Variants in MTRF1 observed in about 807,000 individuals in gnomAD.
The protein encoded by MTRF1 is mitochondrial translation release factor 1.
MTRF1 carries 51 observed loss-of-function variants against 62.9 expected under a neutral mutation model. That is an observed-to-expected ratio of 0.81 (90% CI 0.65 to 1.02). The LOEUF (loss-of-function observed/expected upper bound fraction) is 1.02, where lower values mean the gene tolerates loss of function less well. Ranked by LOEUF, MTRF1 falls within the 50% of genes least tolerant of loss-of-function variation. The probability of loss-of-function intolerance (pLI) is 0.00; values close to 1 mark genes in which losing one functional copy is unlikely to be tolerated. For missense variants in MTRF1, 446 were observed against 530.0 expected, an observed-to-expected ratio of 0.84 and a Z score of 1.56; for synonymous variants, 158 against 181.9, an observed-to-expected ratio of 0.87 and a Z score of 1.06.
intron 9 of MTRF1, among the ~76,000 whole-genome samples, chr13:41,220,323 G>GAAAAAAAAAAAAA (rs1555243201): frequency 1.1e-5 from 1 of 93,326 alleles, no homozygotes. Context: ...AATCTGTCTC[G>GAAAAAAAAAAAAA]GAAAAAAAAA....
chr13:41,251,309 C>T (rs1282950263), intron 5 of MTRF1, among the ~76,000 whole-genome samples: 2 of 152,130 alleles, frequency 1.3e-5, no homozygotes, highest in Non-Finnish European at 2.9e-5. Flanking sequence ...TCCATCCATC[C>T]ATCCATCCAT....
At chr13:41,249,773 C>T (rs940492369) in intron 5 of MTRF1, among the ~76,000 whole-genome samples, 27 of 151,252 alleles carry the variant, frequency 1.8e-4, no homozygotes, top group African/African-American at 6.5e-4. Flanking sequence ...ATTACAAGTA[C>T]GCACTGCCAC....
At chr13:41,226,758 G>A (rs893909285) in intron 7 of MTRF1, among the ~76,000 whole-genome samples, 190 bp from the exon 8 acceptor site, 4 of 152,200 alleles carry the variant, frequency 2.6e-5, no homozygotes, top group African/African-American at 4.8e-5. Context: ...ATTCTGATAT[G>A]TAAATGAGAA....
chr13:41,247,835 G>C (rs974977489), intron 5 of MTRF1, among the ~76,000 whole-genome samples: 2 of 152,000 alleles, frequency 1.3e-5, no homozygotes, highest in African/African-American at 2.4e-5. Context: ...AATAACCACA[G>C]AATTGGTTAT....
At chr13:41,234,152 C>A in intron 6 of MTRF1, 145 bp from the exon 7 acceptor site, 1 of 666,210 alleles carries the variant, frequency 1.5e-6, no homozygotes, top group South Asian at 1.9e-5. Flanking sequence ...AAAGAAAGAG[C>A]AATAAACTCC....
the MTRF1 span, among the ~76,000 whole-genome samples, chr13:41,306,118 C>T: frequency 1.3e-5 from 2 of 152,108 alleles, no homozygotes; most frequent in Non-Finnish European, 2.9e-5. Flanking sequence ...CGCGGTGGCT[C>T]ACGCCTGTAA....
At chr13:41,307,753 T>C in the MTRF1 span, among the ~76,000 whole-genome samples, 1 of 152,178 alleles carries the variant, frequency 6.6e-6, no homozygotes, top group African/African-American at 2.4e-5. Context: ...GCTTCCTGTA[T>C]AGCCTGTGGA....
chr13:41,300,362 G>A, the MTRF1 span, among the ~76,000 whole-genome samples: 9 of 152,006 alleles, frequency 5.9e-5, no homozygotes, highest in East Asian at 9.6e-4. Context: ...CGAGGCGGGC[G>A]GATCACAAGG....
the MTRF1 span, among the ~76,000 whole-genome samples, chr13:41,284,374 T>G: frequency 2.1e-4 from 32 of 149,056 alleles, no homozygotes; most frequent in South Asian, 6.6e-3. Flanking sequence ...TCCCAGCTAC[T>G]CGGGAGGCTC....
the MTRF1 span, chr13:41,311,352 C>A: frequency 3.3e-6 from 2 of 613,438 alleles, no homozygotes; most frequent in East Asian, 6.0e-5. Context: ...CCTTCCTTCT[C>A]CATTGCCACC....
chr13:41,249,785 C>G (rs1040811340), intron 5 of MTRF1, among the ~76,000 whole-genome samples: 1 of 151,546 alleles, frequency 6.6e-6, no homozygotes, highest in Admixed American at 6.6e-5. Context: ...CACTGCCACG[C>G]CTGGCCAATT....
chr13:41,281,379 GT>G, the MTRF1 span, among the ~76,000 whole-genome samples: 8 of 145,834 alleles, frequency 5.5e-5, no homozygotes, highest in Middle Eastern at 3.5e-3. Flanking sequence ...GTTAGTTTTT[GT>G]TTTTTTTTTT....
Position 41,254,510 on chromosome 13 carries a change from T to C in MTRF1, c.507+19A>G. 6.3e-7 allele frequency: 1 copy of C among 1,590,712 alleles called. No individual in the cohort carries two copies. ...CTTTATACAGCACTATTGAAACTAG[T>C]CGACCTCTGAAAACCTACCTCATTG... On this transcript the variant is annotated intron_variant, in intron 3 of 9. Coordinates refer to ENST00000379480, the MANE Select transcript of MTRF1 (RefSeq NM_004294.4).
chr13:41,258,498 G>C (rs1541115), intron 2 of MTRF1, among the ~76,000 whole-genome samples: 93,103 of 149,758 alleles, frequency 0.62, 29,314 homozygotes, highest in Admixed American at 0.65. Flanking sequence ...GGTAGTCCCA[G>C]CTACTCAGAA....
chr13:41,311,198 C>T, the MTRF1 span: 1 of 467,020 alleles, frequency 2.1e-6, no homozygotes, highest in Non-Finnish European at 3.8e-6. Context: ...ACCCGCAGCC[C>T]CTCGCCAAAG....
chr13:41,259,718 A>AAC (rs1321173573), intron 2 of MTRF1, among the ~76,000 whole-genome samples: 1 of 144,718 alleles, frequency 6.9e-6, no homozygotes, highest in African/African-American at 2.8e-5. Context: ...AAAAAAAAAA[A>AAC]AAACATAAAA....
At chr13:41,246,818 A>G (rs1324072167) in intron 5 of MTRF1, among the ~76,000 whole-genome samples, 2 of 152,232 alleles carry the variant, frequency 1.3e-5, no homozygotes, top group Non-Finnish European at 2.9e-5. Context: ...ATACTTGAAT[A>G]TTATAAGAGA....
intron 5 of MTRF1, among the ~76,000 whole-genome samples, chr13:41,248,368 T>C (rs1039804293): frequency 6.6e-6 from 1 of 152,216 alleles, no homozygotes; most frequent in Non-Finnish European, 1.5e-5. Flanking sequence ...GTGATCCACC[T>C]GCCTCAGTCT....
chr13:41,264,029 T>C (rs2040745988), upstream of MTRF1, among the ~76,000 whole-genome samples: 1 of 152,200 alleles, frequency 6.6e-6, no homozygotes, highest in Admixed American at 6.5e-5. Context: ...ACACATTGCA[T>C]GTGAAATTAC....
Sources: gnomAD v4.1 joint callset for allele counts (sites outside exome capture counted in the v4.1 genomes callset) on GRCh38, gnomAD v4.1.1 for gene constraint, MANE v1.5 for transcripts, NCBI Gene and HGNC (gene_info 2026-07-23, HGNC 2026-07-21) for gene names.